The following SAMD12 variants were observed in gnomAD, a reference collection of about 807,000 sequenced individuals.
SAMD12 encodes the protein sterile alpha motif domain-containing protein 12.
Under a neutral mutation model 15.0 loss-of-function variants are expected in SAMD12, and 9 were observed. The ratio of observed to expected loss-of-function variants is 0.60; its 90% CI spans 0.36 to 1.05. SAMD12 has a LOEUF of 1.05. Ranked by LOEUF, SAMD12 falls within the 50% of genes least tolerant of loss-of-function variation. The pLI is 0.01. For synonymous variants in SAMD12, 86 were observed against 90.1 expected (o/e 0.96, Z 0.25); for missense variants, 230 against 234.2 (o/e 0.98, Z 0.12).
chr8:118,388,169 C>A (rs1013094698), intron 3 of SAMD12, among the ~76,000 whole-genome samples: 1 of 152,136 alleles, frequency 6.6e-6, no homozygotes, highest in Admixed American at 6.5e-5. Flanking sequence ...GACCGAAGAA[C>A]CAGAAGTTCT....
At chr8:118,178,433 T>C in the SAMD12 span, among the ~76,000 whole-genome samples, 1 of 152,192 alleles carries the variant, frequency 6.6e-6, no homozygotes, top group Admixed American at 6.5e-5. Flanking sequence ...AAACCCATTG[T>C]ATGATTTTTC....
At chr8:118,184,606 G>A (rs531343508), downstream of SAMD12, among the ~76,000 whole-genome samples, 1 of 151,956 alleles carries the variant, frequency 6.6e-6, no homozygotes, top group East Asian at 1.9e-4. Flanking sequence ...AGCAATTCTT[G>A]TGCCTCAGCC....
intron 2 of SAMD12, among the ~76,000 whole-genome samples, chr8:118,531,393 A>G (rs186955434): frequency 1.4e-4 from 21 of 152,124 alleles, no homozygotes; most frequent in African/African-American, 4.6e-4. Context: ...TTTTGCTTAG[A>G]ATGGTCTTGG....
intron 4 of SAMD12, among the ~76,000 whole-genome samples, chr8:118,235,907 A>G (rs911252117): frequency 6.6e-6 from 1 of 152,172 alleles, no homozygotes; most frequent in Admixed American, 6.5e-5. Context: ...TCCTGGGAAA[A>G]CAACGCAATA....
exon 5 of SAMD12, chr8:118,197,561 G>T: frequency 2.6e-6 from 2 of 775,052 alleles, no homozygotes; most frequent in South Asian, 1.5e-5. Flanking sequence ...CCATAATATT[G>T]ACTGAATGGG....
chr8:118,267,410 TA>T lies in SAMD12; in HGVS notation c.434-69679del, dbSNP rs565481351. Among the ~76,000 whole-genome samples, 7 of 152,144 alleles carry T rather than the reference TA, an allele frequency of 4.6e-5. 1 individual carries two copies. The highest frequency in any genetic ancestry group is 3.9e-4 in the East Asian group (2 of 5,176). ...GAGTGGAGGATAAATAAAACCTGTTTAAAAAAATGCTCTGAGAAGGCCAAAG... is the reference window on the plus strand; with the variant it reads ...GAGTGGAGGATAAATAAAACCTGTTTAAAAAATGCTCTGAGAAGGCCAAAG... On this transcript the variant is annotated intron_variant, in intron 4 of 4. Transcript: ENST00000409003.
At chr8:118,280,884 G>A (rs1441228078) in intron 4 of SAMD12, among the ~76,000 whole-genome samples, 1 of 152,146 alleles carries the variant, frequency 6.6e-6, no homozygotes, top group Non-Finnish European at 1.5e-5. Flanking sequence ...GTATCTCCAT[G>A]CTTTCAGTTT....
At position 118,379,346 on chromosome 8, in the gene SAMD12, C is replaced by A; in HGVS notation, c.*71G>T. 6.5e-7 allele frequency: 1 copy of A among 1,542,420 alleles called. No individual in the cohort carries two copies. Among genetic ancestry groups the A allele is most frequent in the Admixed American group, 1.9e-5 (1 of 53,690 alleles). On this transcript the variant is annotated 3_prime_UTR_variant, in exon 4 of 4. Transcript: ENST00000314727. ...AAGTTAGCTCAGGTAATTCTGTTTG[C>A]TCATCCATTACTTATTTGTGCATCC...
intron 2 of SAMD12, among the ~76,000 whole-genome samples, chr8:118,552,452 A>G (rs1826368174): frequency 6.6e-6 from 1 of 152,244 alleles, no homozygotes; most frequent in African/African-American, 2.4e-5. Flanking sequence ...ATAGATGCAG[A>G]AAAGGCCTTT....
intron 2 of SAMD12, among the ~76,000 whole-genome samples, chr8:118,468,485 C>A (rs1823661164): frequency 6.6e-6 from 1 of 152,158 alleles, no homozygotes; most frequent in Non-Finnish European, 1.5e-5. Context: ...CAGTGAGGCA[C>A]ACGGTTCTTC....
intron 2 of SAMD12, among the ~76,000 whole-genome samples, chr8:118,518,753 T>C (rs971716956): frequency 6.6e-6 from 1 of 152,072 alleles, no homozygotes; most frequent in Non-Finnish European, 1.5e-5. Flanking sequence ...GAAGAAAGCA[T>C]AGGAAGTTTG....
At chr8:118,342,088 G>T (rs185867598) in intron 4 of SAMD12, among the ~76,000 whole-genome samples, 2 of 152,088 alleles carry the variant, frequency 1.3e-5, no homozygotes, top group East Asian at 3.9e-4. Context: ...TCAGGAGTTC[G>T]AGACCAGCCC....
At chr8:118,133,234 A>G in the SAMD12 span, among the ~76,000 whole-genome samples, 2 of 151,794 alleles carry the variant, frequency 1.3e-5, no homozygotes, top group Non-Finnish European at 2.9e-5. Flanking sequence ...TGCCTCATGT[A>G]GAAGGCATTC....
chr8:118,370,847 C>A (rs1157358622), intron 4 of SAMD12, among the ~76,000 whole-genome samples: 1 of 152,074 alleles, frequency 6.6e-6, no homozygotes, highest in Non-Finnish European at 1.5e-5. Flanking sequence ...GGCTTAATAC[C>A]TAAGTGATGG....
intron 3 of SAMD12, among the ~76,000 whole-genome samples, chr8:118,388,671 G>A (rs1244672019): frequency 6.6e-6 from 1 of 151,222 alleles, no homozygotes; most frequent in Non-Finnish European, 1.5e-5. Context: ...TTAACCCTGG[G>A]TATGTGACCC....
At chr8:118,305,144 CAAAAAAA>C (rs56200866) in intron 4 of SAMD12, among the ~76,000 whole-genome samples, 602 of 48,852 alleles carry the variant, frequency 0.012, 8 homozygotes, top group African/African-American at 0.041. Flanking sequence ...GACTCCCTGT[CAAAAAAA>C]AAAAAAAAAA....
At chr8:118,408,153 C>T (rs1396878371) in intron 3 of SAMD12, among the ~76,000 whole-genome samples, 1 of 152,156 alleles carries the variant, frequency 6.6e-6, no homozygotes. Context: ...CACTTAACTC[C>T]ATACCAGACT....
chr8:118,190,611 C>T (rs1159233539), exon 5 of SAMD12: 3 of 152,094 alleles, frequency 2.0e-5, no homozygotes, highest in African/African-American at 4.8e-5. Context: ...TCAGAAATAA[C>T]AGCTCTACAG....
intron 3 of SAMD12, among the ~76,000 whole-genome samples, chr8:118,423,216 A>C (rs1224739497): frequency 6.6e-6 from 1 of 152,108 alleles, no homozygotes; most frequent in Non-Finnish European, 1.5e-5. Flanking sequence ...CCTGGCCCTC[A>C]AAGCATTCTG....
Sources: gnomAD v4.1 joint callset for allele counts (sites outside exome capture counted in the v4.1 genomes callset) on GRCh38, gnomAD v4.1.1 for gene constraint, MANE v1.5 for transcripts, NCBI Gene and HGNC (gene_info 2026-07-23, HGNC 2026-07-21) for gene names.